The following ZSWIM5 variants were observed in gnomAD, a reference collection of about 807,000 sequenced individuals.
ZSWIM5 encodes the protein zinc finger SWIM domain-containing protein 5.
Under a neutral mutation model 119.6 loss-of-function variants are expected in ZSWIM5, and 55 were observed. The observed-to-expected ratio is 0.46, with a 90% CI of 0.37 to 0.58. ZSWIM5 has a LOEUF of 0.58. ZSWIM5 is among the 20% of genes least tolerant of loss of function. The probability of loss-of-function intolerance (pLI) is 0.00; values close to 1 mark genes in which losing one functional copy is unlikely to be tolerated. For synonymous variants in ZSWIM5, 537 were observed against 606.9 expected (o/e 0.88, Z 1.69); for missense variants, 1,193 against 1,512.8 (o/e 0.79, Z 3.51).
chr1:45,178,532 T>G (rs550992326), intron 1 of ZSWIM5, among the ~76,000 whole-genome samples: 1 of 152,202 alleles, frequency 6.6e-6, no homozygotes, highest in Non-Finnish European at 1.5e-5. Context: ...TTTTGGAGTT[T>G]ACCACTTTCC....
chr1:45,135,674 G>A (rs951829356), intron 1 of ZSWIM5, among the ~76,000 whole-genome samples: 3 of 152,092 alleles, frequency 2.0e-5, no homozygotes, highest in Non-Finnish European at 2.9e-5. Context: ...TAATAATCCT[G>A]ATAAGAAAAC....
At chr1:45,107,996 A>G (rs1049511654) in intron 1 of ZSWIM5, among the ~76,000 whole-genome samples, 2 of 152,028 alleles carry the variant, frequency 1.3e-5, no homozygotes, top group African/African-American at 4.8e-5. Flanking sequence ...GGATCTCACT[A>G]TATTGTCCAG....
chr1:45,039,791 G>A (rs1020616536), intron 7 of ZSWIM5, among the ~76,000 whole-genome samples: 6 of 151,162 alleles, frequency 4.0e-5, no homozygotes, highest in South Asian at 4.2e-4. Context: ...TGCAACCTCC[G>A]CCTCCTGGGT....
rs549112294 is a variant in ZSWIM5, at chr1:45,203,377, C to G, written c.595+2379G>C. On this transcript the variant is annotated intron_variant, in intron 1 of 13. Transcript: ENST00000359600. ...TGCTTTCTTTTTTCATTTAAATTCC[C>G]TTTTTCATTAAATTCCCTTATGACT... Among the ~76,000 whole-genome samples, 5 of 151,880 alleles carry G rather than the reference C, an allele frequency of 3.3e-5. No homozygotes were observed. In the South Asian group the frequency reaches 6.2e-4, roughly 19 times the overall value.
chr1:45,052,001 AT>A (rs5773861), intron 4 of ZSWIM5, among the ~76,000 whole-genome samples: 3,215 of 143,182 alleles, frequency 0.022, 107 homozygotes, highest in African/African-American at 0.07. Context: ...CTTTCTTGGG[AT>A]TTTTTTTTTT....
chr1:45,092,538 A>ACCC (rs761534239), intron 1 of ZSWIM5, among the ~76,000 whole-genome samples: 44 of 57,404 alleles, frequency 7.7e-4, no homozygotes, highest in South Asian at 4.8e-3. Context: ...CTCGTGATCC[A>ACCC]CCCCCCCCCC....
intron 2 of ZSWIM5, among the ~76,000 whole-genome samples, chr1:45,071,131 ACT>A (rs1457042913): frequency 1.3e-5 from 2 of 152,092 alleles, no homozygotes; most frequent in African/African-American, 2.4e-5. Context: ...ATCCAATTAT[ACT>A]CTTTCAGTGA....
chr1:45,129,902 T>C (rs565593953), intron 1 of ZSWIM5, among the ~76,000 whole-genome samples: 1 of 143,386 alleles, frequency 7.0e-6, no homozygotes, highest in South Asian at 2.2e-4. Context: ...TAAAAGGAAA[T>C]TTTTTTTTTT....
chr1:45,164,273 G>T (rs1208869079), intron 1 of ZSWIM5, among the ~76,000 whole-genome samples: 1 of 152,124 alleles, frequency 6.6e-6, no homozygotes, highest in Non-Finnish European at 1.5e-5. Context: ...CAAATGCTGA[G>T]AGATTTTGTC....
At chr1:45,042,767 A>C (rs1388673110) in intron 6 of ZSWIM5, among the ~76,000 whole-genome samples, 1 of 152,190 alleles carries the variant, frequency 6.6e-6, no homozygotes, top group Non-Finnish European at 1.5e-5. Context: ...CGAAGGTAGG[A>C]AGGTGGGGAG....
chr1:45,109,896 G>A (rs894341088), intron 1 of ZSWIM5, among the ~76,000 whole-genome samples: 2 of 151,652 alleles, frequency 1.3e-5, no homozygotes, highest in African/African-American at 2.4e-5. Context: ...GCAAGGTCTC[G>A]CTGTGTTACA....
rs1553189127 is a variant in ZSWIM5, at chr1:45,044,822, AAT to A, written c.1433-1429_1433-1428del. ...ATATATAAATATATATATATATATA[AAT>A]ATATATATATAAATATATATATATA... On this transcript the variant is annotated intron_variant, in intron 5 of 13. Coordinates refer to ENST00000359600, the MANE Select transcript of ZSWIM5 (RefSeq NM_020883.2). Among the ~76,000 whole-genome samples, 5 of 1,398 alleles carry A rather than the reference AAT, an allele frequency of 3.6e-3. 2 individuals are homozygous for A. Among genetic ancestry groups the A allele is most frequent in the Non-Finnish European group, 4.7e-3 (4 of 854 alleles). 0.9% of individuals were successfully genotyped at this position (1,398 alleles called of 152,430 possible).
At chr1:45,185,729 G>C (rs1192391074) in intron 1 of ZSWIM5, among the ~76,000 whole-genome samples, 1 of 152,182 alleles carries the variant, frequency 6.6e-6, no homozygotes, top group Non-Finnish European at 1.5e-5. Flanking sequence ...TTAGAATGGT[G>C]ATCATTAGAA....
At chr1:45,075,341 C>A (rs754339539) in intron 2 of ZSWIM5, among the ~76,000 whole-genome samples, 5 of 152,082 alleles carry the variant, frequency 3.3e-5, no homozygotes, top group Admixed American at 6.5e-5. Flanking sequence ...ACTGAGGTCT[C>A]TCTATTTAGC....
At chr1:45,056,655 A>G (rs1404619831) in intron 4 of ZSWIM5, among the ~76,000 whole-genome samples, 2 of 152,132 alleles carry the variant, frequency 1.3e-5, no homozygotes, top group African/African-American at 4.8e-5. Flanking sequence ...GCTGATGGAA[A>G]TGATCCTGTA....
chr1:45,149,940 G>A (rs1645786237), intron 1 of ZSWIM5, among the ~76,000 whole-genome samples: 1 of 152,040 alleles, frequency 6.6e-6, no homozygotes, highest in Non-Finnish European at 1.5e-5. Flanking sequence ...AGGCCAAAGT[G>A]GAAGGACCAC....
intron 2 of ZSWIM5, among the ~76,000 whole-genome samples, chr1:45,069,547 A>T (rs1012144234): frequency 1.3e-5 from 2 of 152,128 alleles, no homozygotes; most frequent in South Asian, 2.1e-4. Context: ...TTAGTTAAAC[A>T]CTGGAATTTG....
chr1:45,053,024 G>A (rs1645098702), intron 4 of ZSWIM5, among the ~76,000 whole-genome samples: 1 of 151,438 alleles, frequency 6.6e-6, no homozygotes, highest in South Asian at 2.1e-4. Flanking sequence ...TTGGGAGGCT[G>A]TGGTAGGAGA....
chr1:45,084,119 G>A (rs1202047392), intron 2 of ZSWIM5, among the ~76,000 whole-genome samples: 3 of 152,018 alleles, frequency 2.0e-5, no homozygotes, highest in East Asian at 1.9e-4. Context: ...CATGTTTCCC[G>A]GGCTGGTCTC....
Sources: allele counts gnomAD v4.1 joint callset (sites outside exome capture counted in the v4.1 genomes callset), GRCh38; gene constraint gnomAD v4.1.1; transcripts MANE v1.5; gene names NCBI Gene and HGNC (gene_info 2026-07-23, HGNC 2026-07-21).